ROBO2: variants seen among roughly 807,000 people sequenced by gnomAD.
ROBO2 encodes roundabout guidance receptor 2.
In ROBO2, 53 loss-of-function variants were observed where a neutral mutation model predicts 160.8. The observed-to-expected ratio is 0.33, with a 90% CI of 0.26 to 0.41. ROBO2 has a LOEUF of 0.41. Ranked by LOEUF, ROBO2 falls within the 10% of genes least tolerant of loss-of-function variation. The probability of loss-of-function intolerance (pLI) is 1.00; values close to 1 mark genes in which losing one functional copy is unlikely to be tolerated. For missense variants in ROBO2, 1,577 were observed against 1,722.4 expected (o/e 0.92, Z 1.49); for synonymous variants, 664 against 611.7 (o/e 1.09, Z -1.26).
At chr3:76,070,333 C>T (rs1038028563) in intron 2 of ROBO2, among the ~76,000 whole-genome samples, 2 of 152,074 alleles carry the variant, frequency 1.3e-5, no homozygotes, top group Non-Finnish European at 2.9e-5. Flanking sequence ...TCTGAACTGG[C>T]CCCGCTGGGC....
At chr3:76,763,686 T>C (rs2061431432) in intron 2 of ROBO2, among the ~76,000 whole-genome samples, 3 of 151,708 alleles carry the variant, frequency 2.0e-5, no homozygotes. Context: ...TGGAACCTCA[T>C]TGTGCATTCA....
intron 2 of ROBO2, among the ~76,000 whole-genome samples, chr3:76,366,050 G>C (rs1177885666): frequency 6.6e-6 from 1 of 151,908 alleles, no homozygotes. Context: ...GTGCTGTGAG[G>C]CCTCCCCATT....
intron 2 of ROBO2, among the ~76,000 whole-genome samples, chr3:76,969,153 G>A (rs898674460): frequency 6.6e-6 from 1 of 152,102 alleles, no homozygotes; most frequent in Non-Finnish European, 1.5e-5. Flanking sequence ...AGTGAAAGTG[G>A]CAGAATTCAA....
At chr3:76,033,927 G>T (rs1044927388) in intron 2 of ROBO2, among the ~76,000 whole-genome samples, 2 of 152,156 alleles carry the variant, frequency 1.3e-5, no homozygotes, top group African/African-American at 2.4e-5. Context: ...GCTGAATTCC[G>T]AAAGGGAAAG....
chr3:76,751,039 C>A (rs1338100600), intron 2 of ROBO2, among the ~76,000 whole-genome samples: 3 of 152,104 alleles, frequency 2.0e-5, no homozygotes, highest in Non-Finnish European at 4.4e-5. Context: ...TACCTGACTT[C>A]AAACTATACT....
chr3:76,965,283 C>T (rs549228369), intron 2 of ROBO2, among the ~76,000 whole-genome samples: 3 of 152,298 alleles, frequency 2.0e-5, no homozygotes, highest in Admixed American at 6.5e-5. Context: ...CTGCTGTGGA[C>T]GGAGAGGAGC....
At chr3:77,436,400 T>C (rs576884994) in intron 2 of ROBO2, among the ~76,000 whole-genome samples, 1 of 151,962 alleles carries the variant, frequency 6.6e-6, no homozygotes, top group South Asian at 2.1e-4. Flanking sequence ...GTGGGTAATG[T>C]TGATAGTATA....
intron 2 of ROBO2, among the ~76,000 whole-genome samples, chr3:76,701,194 T>A (rs1380850550): frequency 1.3e-5 from 2 of 152,130 alleles, no homozygotes; most frequent in Non-Finnish European, 2.9e-5. Context: ...GCAAAGTTCT[T>A]TAGGTTTGAG....
At chr3:75,917,491 A>G (rs1946860797) in intron 1 of ROBO2, among the ~76,000 whole-genome samples, 3 of 152,248 alleles carry the variant, frequency 2.0e-5, no homozygotes, top group Admixed American at 6.5e-5. Flanking sequence ...GTGCCACAAT[A>G]AACATACGTG....
chr3:76,796,510 A>AGG lies in ROBO2; in HGVS notation c.110-301504_110-301503insGG, dbSNP rs1253240165. ...AAGGAAGGAAGGAAGGAAAGAAGGA[A>AGG]AGAAGGAAGGAAGGAAGGAAGGAAG... On this transcript the variant is annotated intron_variant, in intron 2 of 26. Coordinates refer to the ROBO2 transcript ENST00000487694. Among the ~76,000 whole-genome samples, 184 of 123,776 alleles carry AGG rather than the reference A, an allele frequency of 1.5e-3. 2 individuals are homozygous for AGG. Among genetic ancestry groups the AGG allele is most frequent in the African/African-American group, 6.5e-3 (167 of 25,646 alleles). 81.2% of individuals were successfully genotyped at this position (123,776 alleles called of 152,430 possible). A position where few individuals can be genotyped will look rare whatever the true frequency, so the allele number is the denominator to read the frequency against.
chr3:77,387,878 C>T (rs926915746), intron 2 of ROBO2, among the ~76,000 whole-genome samples: 2 of 152,098 alleles, frequency 1.3e-5, no homozygotes, highest in Non-Finnish European at 2.9e-5. Flanking sequence ...TACCATTCTT[C>T]ATTCACCTCC....
At chr3:76,876,873 T>A (rs991443783) in intron 2 of ROBO2, among the ~76,000 whole-genome samples, 1 of 152,178 alleles carries the variant, frequency 6.6e-6, no homozygotes, top group African/African-American at 2.4e-5. Flanking sequence ...GTTAGCACTT[T>A]CATTAAGAAC....
chr3:76,812,534 A>G (rs2597227), intron 2 of ROBO2, among the ~76,000 whole-genome samples: 2 of 151,988 alleles, frequency 1.3e-5, no homozygotes, highest in Non-Finnish European at 2.9e-5. Context: ...ACAAAACACA[A>G]TAACAGAAAA....
intron 2 of ROBO2, among the ~76,000 whole-genome samples, chr3:75,978,456 T>C (rs1386833238): frequency 6.6e-6 from 1 of 151,584 alleles, no homozygotes; most frequent in Non-Finnish European, 1.5e-5. Context: ...ATTTTACCTA[T>C]GTTTTACCAA....
chr3:76,978,918 T>G (rs974962058), intron 2 of ROBO2, among the ~76,000 whole-genome samples: 10 of 148,406 alleles, frequency 6.7e-5, no homozygotes, highest in South Asian at 2.1e-4. Context: ...AGTTTTAGAG[T>G]TTTTTTTGTT....
chr3:77,062,845 T>A (rs1189034904), intron 1 of ROBO2, among the ~76,000 whole-genome samples: 1 of 152,162 alleles, frequency 6.6e-6, no homozygotes, highest in East Asian at 1.9e-4. Flanking sequence ...TGGTTTCTGA[T>A]TGGTGCAGTT....
intron 1 of ROBO2, among the ~76,000 whole-genome samples, chr3:77,087,191 C>A (rs1267756956): frequency 6.6e-6 from 1 of 152,082 alleles, no homozygotes; most frequent in African/African-American, 2.4e-5. Flanking sequence ...GTAAAATCCC[C>A]TTTTCTGGAG....
At chr3:76,140,993 G>A (rs1176587506) in intron 2 of ROBO2, among the ~76,000 whole-genome samples, 1 of 134,504 alleles carries the variant, frequency 7.4e-6, no homozygotes, top group East Asian at 2.3e-4. Flanking sequence ...ATTTAACTTG[G>A]AAAGTTGATG....
chr3:76,902,153 C>A (rs1180869088), intron 2 of ROBO2, among the ~76,000 whole-genome samples: 1 of 151,948 alleles, frequency 6.6e-6, no homozygotes, highest in African/African-American at 2.4e-5. Flanking sequence ...ATTATATATA[C>A]AATGGAGGTA....
Sources: gnomAD v4.1 joint callset for allele counts (sites outside exome capture counted in the v4.1 genomes callset) on GRCh38, gnomAD v4.1.1 for gene constraint, MANE v1.5 for transcripts, NCBI Gene and HGNC (gene_info 2026-07-23, HGNC 2026-07-21) for gene names.